PDE7B: variants seen among roughly 807,000 people sequenced by gnomAD.
PDE7B encodes phosphodiesterase 7B.
In PDE7B, 29 loss-of-function variants were observed where a neutral mutation model predicts 56.2. The ratio of observed to expected loss-of-function variants is 0.52; its 90% CI spans 0.38 to 0.70. The LOEUF (loss-of-function observed/expected upper bound fraction) is 0.70, where lower values mean the gene tolerates loss of function less well. PDE7B is among the 30% of genes least tolerant of loss of function. The pLI, the probability that PDE7B is intolerant of heterozygous loss-of-function variation, is 0.00. For missense variants in PDE7B, 490 were observed against 565.0 expected (o/e 0.87, Z 1.35); for synonymous variants, 197 against 196.9 (o/e 1.00, Z 0.00).
At chr6:135,920,454 C>T (rs1269525827) in intron 1 of PDE7B, among the ~76,000 whole-genome samples, 1 of 152,142 alleles carries the variant, frequency 6.6e-6, no homozygotes, top group Non-Finnish European at 1.5e-5. Context: ...GTATACATGA[C>T]CCTCCCCATC....
At chr6:135,883,168 A>T (rs1046126372) in intron 1 of PDE7B, among the ~76,000 whole-genome samples, 1 of 152,112 alleles carries the variant, frequency 6.6e-6, no homozygotes, top group Non-Finnish European at 1.5e-5. Context: ...TACACAATTT[A>T]TGTCCACCAC....
At chr6:136,019,008 A>C (rs1338692132) in intron 2 of PDE7B, among the ~76,000 whole-genome samples, 1 of 151,912 alleles carries the variant, frequency 6.6e-6, no homozygotes, top group Admixed American at 6.6e-5. Flanking sequence ...CCACCCACCC[A>C]GCTCAGACTC....
intron 2 of PDE7B, among the ~76,000 whole-genome samples, chr6:136,041,364 G>C (rs149916263): frequency 6.6e-6 from 1 of 152,224 alleles, no homozygotes; most frequent in Non-Finnish European, 1.5e-5. Flanking sequence ...ATATGTGTTC[G>C]TGAGAGATTT....
At chr6:136,047,107 G>T (rs1284527674) in intron 2 of PDE7B, among the ~76,000 whole-genome samples, 1 of 152,134 alleles carries the variant, frequency 6.6e-6, no homozygotes, top group African/African-American at 2.4e-5. Context: ...TGAGCATTGC[G>T]TATTCAACAT....
intron 1 of PDE7B, among the ~76,000 whole-genome samples, chr6:135,892,369 T>C (rs1410952263): frequency 3.9e-5 from 6 of 152,154 alleles, no homozygotes; most frequent in African/African-American, 1.4e-4. Flanking sequence ...AGTGGCATTA[T>C]TAATAAATCT....
At chr6:136,078,256 G>A (rs1777152926) in intron 2 of PDE7B, among the ~76,000 whole-genome samples, 1 of 152,210 alleles carries the variant, frequency 6.6e-6, no homozygotes, top group Non-Finnish European at 1.5e-5. Flanking sequence ...GTCAATGAGA[G>A]CTGAATGTGA....
intron 2 of PDE7B, among the ~76,000 whole-genome samples, chr6:135,948,377 C>T (rs954049839): frequency 2.0e-5 from 3 of 151,902 alleles, no homozygotes; most frequent in African/African-American, 7.2e-5. Context: ...TAACCTTGAA[C>T]TATATTAATA....
At chr6:136,154,351 A>G (rs1310653816) in intron 7 of PDE7B, among the ~76,000 whole-genome samples, 176 bp downstream of exon 7, 1 of 151,970 alleles carries the variant, frequency 6.6e-6, no homozygotes, top group Non-Finnish European at 1.5e-5. Context: ...AATGTTCACG[A>G]AAAAGGATGA....
intron 1 of PDE7B, among the ~76,000 whole-genome samples, chr6:135,935,502 C>A (rs562312774): frequency 3.0e-4 from 46 of 151,844 alleles, no homozygotes; most frequent in Admixed American, 5.3e-4. Context: ...TGTATTTTTG[C>A]CCCAGATTAT....
At position 135,934,805 on chromosome 6, in the gene PDE7B, AT is replaced by A. The variant is rs1289858378; in HGVS notation, c.22-12656del. 8.5e-5 allele frequency among the ~76,000 whole-genome samples: 10 copies of A among 117,720 alleles called. No individual in the cohort carries two copies. The South Asian group carries it at 1.4e-3, about 16-fold the overall frequency. 77.2% of individuals were successfully genotyped at this position (117,720 alleles called of 152,430 possible). On this transcript the variant is annotated intron_variant, in intron 1 of 12. Coordinates refer to ENST00000308191, the MANE Select transcript of PDE7B (RefSeq NM_018945.4). ...TTATATATATATTTTAAATATATAT[AT>A]TTATTATATATATATTTAATAAATA...
chr6:135,904,133 G>C (rs577756043), intron 1 of PDE7B, among the ~76,000 whole-genome samples: 1 of 152,182 alleles, frequency 6.6e-6, no homozygotes, highest in Non-Finnish European at 1.5e-5. Context: ...GCAAGAAATT[G>C]TATGTTTAAA....
chr6:136,001,494 G>C (rs1355223999), intron 2 of PDE7B, among the ~76,000 whole-genome samples: 5 of 152,176 alleles, frequency 3.3e-5, no homozygotes, highest in Non-Finnish European at 4.4e-5. Flanking sequence ...CCAATACAGA[G>C]AAGTGCTTAA....
At chr6:136,019,124 A>G (rs1776028047) in intron 2 of PDE7B, among the ~76,000 whole-genome samples, 1 of 152,102 alleles carries the variant, frequency 6.6e-6, no homozygotes, top group Non-Finnish European at 1.5e-5. Flanking sequence ...ATACTGCAGA[A>G]ATGCAAAGTA....
rs149966649 is a variant in PDE7B at position 135,969,799 on chromosome 6, A to G, written c.82+22275A>G. Reference sequence around the variant, plus strand: ...CTTCTGCACAGCAAAAGAAACTATCATCAGCGTCTGAGTCATTTTTAATGT... The same window carrying G: ...CTTCTGCACAGCAAAAGAAACTATCGTCAGCGTCTGAGTCATTTTTAATGT... On this transcript the variant is annotated intron_variant, in intron 2 of 12. Transcript: ENST00000308191. 1.6e-3 allele frequency among the ~76,000 whole-genome samples: 239 copies of G among 152,302 alleles called. 1 individual carries two copies. In the East Asian group the frequency reaches 0.028, roughly 18 times the overall value.
intron 2 of PDE7B, among the ~76,000 whole-genome samples, chr6:136,086,027 C>T (rs1419862947): frequency 6.6e-6 from 1 of 152,192 alleles, no homozygotes; most frequent in Non-Finnish European, 1.5e-5. Context: ...TACAATTTCT[C>T]CAGGCTGTGC....
At chr6:135,869,142 A>T (rs73556508) in intron 1 of PDE7B, among the ~76,000 whole-genome samples, 2,660 of 152,292 alleles carry the variant, frequency 0.017, 39 homozygotes, top group South Asian at 0.047. Flanking sequence ...TTTAATTAAT[A>T]GAATCTAAAA....
At chr6:136,109,252 T>C (rs1215764891) in intron 3 of PDE7B, among the ~76,000 whole-genome samples, 3 of 152,118 alleles carry the variant, frequency 2.0e-5, no homozygotes, top group Non-Finnish European at 4.4e-5. Flanking sequence ...GGTGAGAGAA[T>C]AGCTTGATCC....
intron 1 of PDE7B, among the ~76,000 whole-genome samples, chr6:135,881,215 G>T (rs561422165): frequency 1.3e-4 from 20 of 151,932 alleles, no homozygotes; most frequent in African/African-American, 4.6e-4. Flanking sequence ...AAACAGTAAG[G>T]GGCCAGGCAC....
chr6:136,064,771 T>A (rs1776905002), intron 2 of PDE7B: 1 of 152,222 alleles, frequency 6.6e-6, no homozygotes, highest in East Asian at 1.9e-4. Context: ...CCTTTCCTGA[T>A]GTCCCGATTA....
Sources: allele counts gnomAD v4.1 joint callset (sites outside exome capture counted in the v4.1 genomes callset), GRCh38; gene constraint gnomAD v4.1.1; transcripts MANE v1.5; gene names NCBI Gene and HGNC (gene_info 2026-07-23, HGNC 2026-07-21).